The following MYOZ3 variants were observed in gnomAD, a reference collection of about 807,000 sequenced individuals.
The protein encoded by MYOZ3 is myozenin 3, also known as myozenin-3.
A neutral mutation model predicts 26.5 loss-of-function variants in MYOZ3; 19 were observed. The observed-to-expected ratio is 0.72, with a 90% CI of 0.50 to 1.05. The LOEUF is 1.05. MYOZ3 is among the 50% of genes least tolerant of loss of function. The pLI is 0.00. For missense variants in MYOZ3, 322 were observed against 337.1 expected, an observed-to-expected ratio of 0.96 and a Z score of 0.35; for synonymous variants, 135 against 138.8, an observed-to-expected ratio of 0.97 and a Z score of 0.19.
chr5:150,665,815 G>T (rs1758799700), intron 2 of MYOZ3, among the ~76,000 whole-genome samples: 1 of 151,714 alleles, frequency 6.6e-6, no homozygotes, highest in Non-Finnish European at 1.5e-5. Context: ...GCAAGCGGAT[G>T]ACCTGAGGTT....
chr5:150,668,701 C>T (rs1266668906), intron 2 of MYOZ3, among the ~76,000 whole-genome samples: 1 of 152,250 alleles, frequency 6.6e-6, no homozygotes, highest in Non-Finnish European at 1.5e-5. Flanking sequence ...ATTCTGTCCC[C>T]TCTGTCCTGC....
At chr5:150,668,740 A>G (rs73796416) in intron 2 of MYOZ3, among the ~76,000 whole-genome samples, 21,554 of 152,232 alleles carry the variant, frequency 0.14, 2,879 homozygotes, top group African/African-American at 0.36. Flanking sequence ...GCCAAACGTG[A>G]AAGTTTGAAT....
Position 150,678,257 on chromosome 5 carries a change from T to G in MYOZ3, c.*1382T>G, listed in dbSNP as rs1198102295. 6.6e-6 allele frequency: 1 copy of G among 152,274 alleles called. No homozygotes were observed. The highest frequency in any genetic ancestry group is 2.4e-5 in the African/African-American group (1 of 41,448). 9.4% of individuals were successfully genotyped at this position (152,274 alleles called of 1,614,324 possible). ...AAGATTCCTTCTTTCCACTCCATTT[T>G]GAGCAGGCTGCTTAAAGTGGTGGTG... On this transcript the variant is annotated 3_prime_UTR_variant, in exon 7 of 7. Coordinates refer to ENST00000517768, the MANE Select transcript of MYOZ3 (RefSeq NM_001122853.3).
rs764392019 is a variant in MYOZ3, at chr5:150,670,562, G to C, written c.140G>C (p.Arg47Thr). Residue 47 changes from arginine to threonine, a missense_variant, in exon 3 of 7, where the codon AGA (arginine) becomes ACA (threonine). Physicochemically the swap from Arg to Thr is moderately conservative, Grantham distance 71 (BLOSUM62 -1). Coordinates refer to ENST00000517768, the MANE Select transcript of MYOZ3 (RefSeq NM_001122853.3). Reference protein sequence around the residue: ...MMEELSLRNNRGSLLFQKRQR... With the variant: ...MMEELSLRNNTGSLLFQKRQR... ...GAGGAGCTGTCACTACGCAACAACA[G>C]AGGGTCCCTCCTCTTCCAGAAGAGG... is the stretch of plus-strand genomic sequence containing the variant. 6.2e-7 allele frequency: 1 copy of C among 1,613,400 alleles called. No homozygotes were observed. The highest frequency in any genetic ancestry group is 2.2e-5 in the East Asian group (1 of 44,870).
chr5:150,670,464 G>T lies in MYOZ3; in HGVS notation c.62-20G>T. 2 of 1,594,878 alleles carry T rather than the reference G, an allele frequency of 1.3e-6. No homozygotes were observed. The highest frequency in any genetic ancestry group is 1.7e-6 in the Non-Finnish European group (2 of 1,169,348). On this transcript the variant is annotated intron_variant, in intron 2 of 6. Coordinates refer to ENST00000517768, the MANE Select transcript of MYOZ3 (RefSeq NM_001122853.3). ...ATGGGGGATGGGGTGGTGAGAGCCC[G>T]CTCTGGCCTTTCCTGGCAGTCCCTA... is the stretch of plus-strand genomic sequence containing the variant.
intron 3 of MYOZ3, 94 bp downstream of exon 3, chr5:150,670,732 G>A (rs1758892719): frequency 8.0e-7 from 1 of 1,257,852 alleles, no homozygotes; most frequent in African/African-American, 1.5e-5. Context: ...GCTGAGGACT[G>A]TGATGTTCCC....
At chr5:150,675,251 T>TGTGTGTGTGTGTG (rs1264307768) in intron 6 of MYOZ3, among the ~76,000 whole-genome samples, 11 of 152,180 alleles carry the variant, frequency 7.2e-5, no homozygotes, top group Non-Finnish European at 1.5e-5. Context: ...GGTGTGTGTG[T>TGTGTGTGTGTGTG]TAATACTTTG....
In MYOZ3 at chr5:150,670,593, C is replaced by T. The variant is rs765610709; in HGVS notation, c.171C>T (p.Arg57=). The part of the protein sequence containing the change: ...RGSLLFQKRQ[R]RVQKFTFELA... ...CCCTCCTCTTCCAGAAGAGGCAGCG[C>T]CGTGTGCAGAAGTTCACTTTCGAGT... Residue 57 remains arginine (R), a synonymous_variant, in exon 3 of 7, where the codon CGC becomes CGT. Transcript: ENST00000517768. 1.9e-6 allele frequency: 3 copies of T among 1,612,940 alleles called. No homozygotes were observed. Among genetic ancestry groups the T allele is most frequent in the Non-Finnish European group, 2.5e-6 (3 of 1,179,400 alleles).
intron 2 of MYOZ3, among the ~76,000 whole-genome samples, chr5:150,666,329 G>T (rs1018936461): frequency 6.6e-6 from 1 of 151,818 alleles, no homozygotes; most frequent in Admixed American, 6.6e-5. Context: ...ATATAGAAAT[G>T]GGGGCCGGGC....
At chr5:150,671,961 G>A (rs1267973540) in intron 5 of MYOZ3, 53 bp downstream of exon 5, 17 of 1,475,228 alleles carry the variant, frequency 1.2e-5, no homozygotes, top group Non-Finnish European at 1.4e-5. Flanking sequence ...TGAAGCATGG[G>A]TGTGCTCCCC....
Position 150,666,631 on chromosome 5 carries a change from ATAT to A in MYOZ3, c.61+3630_61+3632del, listed in dbSNP as rs372615615. Among the ~76,000 whole-genome samples the A allele has an allele frequency of 4.6e-3, 517 of 111,634 alleles. 6 individuals are homozygous for A. Among genetic ancestry groups the A allele is most frequent in the African/African-American group, 0.018 (491 of 27,550 alleles). 73.2% of individuals were successfully genotyped at this position (111,634 alleles called of 152,430 possible). A position where few individuals can be genotyped will look rare whatever the true frequency, so the allele number is the denominator to read the frequency against. ...TCTGTCTCAAAAAAAAAAAAAAAAAATATATATATATATATATACACACACATA... is the reference window on the plus strand; with the variant it reads ...TCTGTCTCAAAAAAAAAAAAAAAAAAATATATATATATATACACACACATA... On this transcript the variant is annotated intron_variant, in intron 2 of 6. Coordinates refer to ENST00000517768, the MANE Select transcript of MYOZ3 (RefSeq NM_001122853.3).
chr5:150,671,568 T>G, intron 3 of MYOZ3, 29 bp from the exon 4 acceptor site: 1 of 1,613,344 alleles, frequency 6.2e-7, no homozygotes, highest in Non-Finnish European at 8.5e-7. Context: ...TGAGCTTCTC[T>G]GCGGTTTATT....
chr5:150,668,705 G>A (rs1291921870), intron 2 of MYOZ3, among the ~76,000 whole-genome samples: 1 of 152,202 alleles, frequency 6.6e-6, no homozygotes, highest in Non-Finnish European at 1.5e-5. Context: ...TGTCCCCTCT[G>A]TCCTGCAAAA....
intron 6 of MYOZ3, among the ~76,000 whole-genome samples, chr5:150,673,898 C>T (rs983283556): frequency 1.3e-5 from 2 of 152,180 alleles, no homozygotes; most frequent in Admixed American, 6.5e-5. Context: ...GAGGACGCCA[C>T]GGTCCTGCTC....
intron 2 of MYOZ3, among the ~76,000 whole-genome samples, chr5:150,666,023 G>A (rs1322877660): frequency 3.0e-5 from 4 of 133,002 alleles, no homozygotes; most frequent in East Asian, 4.3e-4. Flanking sequence ...CAACAAGAGT[G>A]AAACTCGTCT....
chr5:150,662,863 G>A, intron 1 of MYOZ3, 78 bp from the exon 2 acceptor site: 1 of 1,322,242 alleles, frequency 7.6e-7, no homozygotes, highest in Non-Finnish European at 1.1e-6. Flanking sequence ...ACTGGGGCAG[G>A]GTGAACCAGA....
Position 150,663,043 on chromosome 5 carries a change from A to T in MYOZ3, c.61+41A>T, listed in dbSNP as rs200959324. On this transcript the variant is annotated intron_variant, in intron 2 of 6. Transcript: ENST00000517768. ...CCTCATGCCTTCCTCAGACTCCATC[A>T]TTTCCTTGCTCCCAGGCTGCACTCA... 1.2e-4 allele frequency: 186 copies of T among 1,542,910 alleles called. 1 individual carries two copies. The African/African-American group carries it at 2.3e-3, about 19-fold the overall frequency.
intron 5 of MYOZ3, 89 bp downstream of exon 5, chr5:150,671,997 G>C (rs1758923345): frequency 6.9e-7 from 1 of 1,441,744 alleles, no homozygotes; most frequent in African/African-American, 1.4e-5. Flanking sequence ...CACCCAGAAG[G>C]CTAGTCCGCC....
At chr5:150,669,595 T>A (rs13355997) in intron 2 of MYOZ3, among the ~76,000 whole-genome samples, 4 of 150,724 alleles carry the variant, frequency 2.7e-5, no homozygotes, top group African/African-American at 7.3e-5. Flanking sequence ...TTTTGTCTGA[T>A]ATCTGTATTG....
Sources: gnomAD v4.1 joint callset for allele counts (sites outside exome capture counted in the v4.1 genomes callset) on GRCh38, gnomAD v4.1.1 for gene constraint, MANE v1.5 for transcripts, NCBI Gene and HGNC (gene_info 2026-07-23, HGNC 2026-07-21) for gene names.